Variants in PDZD2 observed in about 807,000 individuals in gnomAD.
The protein encoded by PDZD2 is PDZ domain containing 2.
A neutral mutation model predicts 220.7 loss-of-function variants in PDZD2; 90 were observed. The observed-to-expected ratio is 0.41, with a 90% CI of 0.34 to 0.49. The LOEUF is 0.49. Among genes scored for constraint, PDZD2 ranks in the 20% least tolerant of loss-of-function variants. The pLI is 0.28. For missense variants in PDZD2, 3,174 were observed against 3,608.5 expected (o/e 0.88, Z 3.08); for synonymous variants, 1,375 against 1,450.5 (o/e 0.95, Z 1.18).
At position 31,969,780 on chromosome 5, in the gene PDZD2, T is replaced by A. The variant is rs962519038; in HGVS notation, c.477-13375T>A. ...ATATGTTGGATATGCCTCAGTAAAGTCATCTTTTAAAGAGTCTCTTTTTTT... is the reference window on the plus strand; with the variant it reads ...ATATGTTGGATATGCCTCAGTAAAGACATCTTTTAAAGAGTCTCTTTTTTT... On this transcript the variant is annotated intron_variant, in intron 2 of 24. Coordinates refer to ENST00000438447, the MANE Select transcript of PDZD2 (RefSeq NM_178140.4). Among the ~76,000 whole-genome samples, 4 of 152,142 alleles carry A rather than the reference T, an allele frequency of 2.6e-5. No homozygotes were observed. In the East Asian group the frequency reaches 7.7e-4, roughly 29 times the overall value.
At chr5:31,856,355 C>T (rs4867390) in intron 2 of PDZD2, among the ~76,000 whole-genome samples, 110,167 of 151,988 alleles carry the variant, frequency 0.72, 40,923 homozygotes, top group African/African-American at 0.89. Flanking sequence ...AGGATGGCCT[C>T]TGGGGAAAGA....
chr5:31,795,350 G>A (rs1440253306), intron 1 of PDZD2, among the ~76,000 whole-genome samples: 1 of 152,194 alleles, frequency 6.6e-6, no homozygotes, highest in Non-Finnish European at 1.5e-5. Flanking sequence ...CACCATATCA[G>A]TAAATTATCT....
chr5:31,972,566 ATGCCTATAACAG>A (rs1409885558), intron 2 of PDZD2, among the ~76,000 whole-genome samples: 1 of 152,204 alleles, frequency 6.6e-6, no homozygotes, highest in Admixed American at 6.5e-5. Context: ...GTGTCCTCAA[ATGCCTATAACAG>A]TGCCTGGCTT....
rs188979607 is a variant in PDZD2 at position 31,779,535 on chromosome 5, G to A, written c.-360-19354G>A. 5.5e-4 allele frequency among the ~76,000 whole-genome samples: 83 copies of A among 151,908 alleles called. 1 individual carries two copies. In the South Asian group the frequency reaches 0.015, roughly 28 times the overall value. The stretch of plus-strand genomic sequence containing the variant: ...ACTACAGGCGCCCGCCACCACGCCC[G>A]GCTAACTTTTTGTATTTTTAGTAGA... On this transcript the variant is annotated intron_variant, in intron 1 of 24. Transcript: ENST00000438447.
At chr5:31,869,279 T>C (rs1738522099) in intron 2 of PDZD2, among the ~76,000 whole-genome samples, 1 of 152,200 alleles carries the variant, frequency 6.6e-6, no homozygotes, top group African/African-American at 2.4e-5. Flanking sequence ...GCCACGCTCC[T>C]CAGCCCTCAC....
At chr5:31,910,640 C>T (rs1259684035) in intron 2 of PDZD2, among the ~76,000 whole-genome samples, 11 of 121,646 alleles carry the variant, frequency 9.0e-5, no homozygotes, top group African/African-American at 2.8e-4. Flanking sequence ...ATTCACCCAC[C>T]TCGGCCTCCC....
At chr5:32,058,828 T>G (rs1445751106) in intron 12 of PDZD2, among the ~76,000 whole-genome samples, 1 of 152,202 alleles carries the variant, frequency 6.6e-6, no homozygotes, top group African/African-American at 2.4e-5. Flanking sequence ...TCCCTGTTTC[T>G]TTTTCCTCCC....
At chr5:31,904,463 C>A (rs1243865207) in intron 2 of PDZD2, among the ~76,000 whole-genome samples, 1 of 152,212 alleles carries the variant, frequency 6.6e-6, no homozygotes, top group Admixed American at 6.5e-5. Flanking sequence ...TTGCTATTAT[C>A]ATAACTTAGA....
intron 1 of PDZD2, among the ~76,000 whole-genome samples, chr5:31,791,590 C>CAA (rs1157216997): frequency 0.012 from 596 of 48,096 alleles, 5 homozygotes; most frequent in African/African-American, 0.016. Context: ...AACTCCGTCT[C>CAA]AAAAAAAAAA....
At position 32,088,262 on chromosome 5, in the gene PDZD2, G is replaced by C. The variant is rs368453520; in HGVS notation, c.4814G>C (p.Arg1605Pro). The C allele has an allele frequency of 6.2e-7, 1 of 1,614,100 alleles. No homozygotes were observed. The change falls in exon 20 of 25, where the codon CGT (arginine) becomes CCT (proline). Residue 1605 changes from arginine (R) to proline (P), a missense_variant. Physicochemically the swap from Arg to Pro is moderately radical, Grantham distance 103. This residue lies in a region of PDZD2 where 1,861 missense variants were observed against 2,001.0 expected (regional missense o/e 0.93). Transcript: ENST00000438447. This position sits in a 1 kb window ranked among gnomAD's most constrained non-coding sequence, Gnocchi z 4.6. ...EEEQIEICST[R>P]GCPNPPSSPA... ...GAACAGATTGAGATTTGTTCCACAC[G>C]TGGCTGCCCCAATCCACCCTCGAGT... is the stretch of plus-strand genomic sequence containing the variant.
At position 31,949,840 on chromosome 5, in the gene PDZD2, T is replaced by C. The variant is rs985284946; in HGVS notation, c.477-33315T>C. On this transcript the variant is annotated intron_variant, in intron 2 of 24. Transcript: ENST00000438447. ...GGCATGCGCTACCACACCAGCTAAT[T>C]TTTTTTTTTTTTTTTTAATTTTTAG... is the stretch of plus-strand genomic sequence containing the variant. Among the ~76,000 whole-genome samples the C allele has an allele frequency of 9.7e-3, 6 of 618 alleles. No homozygotes were observed. In the African/African-American group the frequency reaches 0.1, roughly 10 times the overall value. The allele number at this position is 618 out of a possible 152,430, so 0.4% of individuals were successfully genotyped here.
intron 7 of PDZD2, among the ~76,000 whole-genome samples, chr5:32,043,289 C>T (rs1215181368): frequency 6.6e-6 from 1 of 152,230 alleles, no homozygotes; most frequent in African/African-American, 2.4e-5. Context: ...ACCCTCTCCT[C>T]CTGTGTCCTT....
intron 2 of PDZD2, chr5:31,855,011 C>T: frequency 1.0e-6 from 1 of 985,406 alleles, no homozygotes; most frequent in Non-Finnish European, 1.2e-6. Flanking sequence ...GCAGCCGCCC[C>T]AGGCCCCCGG....
intron 2 of PDZD2, among the ~76,000 whole-genome samples, chr5:31,922,403 TA>T (rs1418526748): frequency 1.3e-5 from 2 of 152,236 alleles, no homozygotes; most frequent in East Asian, 1.9e-4. Context: ...CTTATATGTA[TA>T]TTTTTTTTAT....
intron 1 of PDZD2, among the ~76,000 whole-genome samples, chr5:31,738,946 C>G (rs1219962894): frequency 6.6e-6 from 1 of 151,624 alleles, no homozygotes; most frequent in East Asian, 1.9e-4. Flanking sequence ...AGTGCAGTGG[C>G]ACCATCTCCG....
At chr5:32,052,423 G>A in intron 8 of PDZD2, 188 bp from the exon 9 acceptor site, 1 of 527,696 alleles carries the variant, frequency 1.9e-6, no homozygotes, top group Non-Finnish European at 3.4e-6. Flanking sequence ...TGGGATTACA[G>A]GCATGAGCCA....
chr5:31,815,544 T>C (rs973651111), intron 2 of PDZD2, among the ~76,000 whole-genome samples: 8 of 152,214 alleles, frequency 5.3e-5, no homozygotes, highest in African/African-American at 1.9e-4. Context: ...ACAAAGAGTC[T>C]GTTTTGTCTG....
At chr5:31,654,084 C>G (rs143753051) in intron 1 of PDZD2, among the ~76,000 whole-genome samples, 1,746 of 152,080 alleles carry the variant, frequency 0.011, 36 homozygotes, top group African/African-American at 0.04. Flanking sequence ...GCGCCTGGCC[C>G]CAATATATGT....
intron 1 of PDZD2, among the ~76,000 whole-genome samples, chr5:31,693,590 G>A (rs1017288737): frequency 6.6e-6 from 1 of 151,516 alleles, no homozygotes; most frequent in Admixed American, 6.6e-5. Context: ...CTTTGGGGCT[G>A]TACAGTCTCC....
Sources: allele counts gnomAD v4.1 joint callset (sites outside exome capture counted in the v4.1 genomes callset), GRCh38; gene constraint gnomAD v4.1.1; regional missense constraint gnomAD v4.1.1; non-coding constraint Gnocchi (gnomAD v3.1); transcripts MANE v1.5; gene names NCBI Gene and HGNC (gene_info 2026-07-23, HGNC 2026-07-21).